Variants in NAALADL2 observed in about 807,000 individuals in gnomAD.
NAALADL2 encodes N-acetylated alpha-linked acidic dipeptidase like 2, also known as inactive N-acetylated-alpha-linked acidic dipeptidase-like protein 2.
NAALADL2 carries 76 observed loss-of-function variants against 87.2 expected under a neutral mutation model. The observed-to-expected ratio is 0.87, with a 90% CI of 0.72 to 1.05. NAALADL2 has a LOEUF of 1.05. Ranked by LOEUF, NAALADL2 falls within the 50% of genes least tolerant of loss-of-function variation. The probability of loss-of-function intolerance (pLI) is 0.00; values close to 1 mark genes in which losing one functional copy is unlikely to be tolerated. For missense variants in NAALADL2, 1,089 were observed against 945.8 expected (o/e 1.15, Z -1.99); for synonymous variants, 354 against 331.0 (o/e 1.07, Z -0.75).
In NAALADL2 at chr3:174,953,961, C is replaced by A. The variant is rs1054055080; in HGVS notation, c.43+94511C>A. ...AGGCACTTGAAGCTAAATAAGTAAG[C>A]CTTTTACTCTCTAATATAATGTGTT... On this transcript the variant is annotated intron_variant, in intron 1 of 13. Coordinates refer to ENST00000454872, the MANE Select transcript of NAALADL2 (RefSeq NM_207015.3). Among the ~76,000 whole-genome samples the A allele has an allele frequency of 1.3e-5, 2 of 152,062 alleles. 1 individual carries two copies. The highest frequency in any genetic ancestry group is 4.2e-4 in the South Asian group (2 of 4,816).
At chr3:174,974,049 G>T (rs1412881949) in intron 1 of NAALADL2, among the ~76,000 whole-genome samples, 3 of 152,162 alleles carry the variant, frequency 2.0e-5, no homozygotes, top group African/African-American at 7.2e-5. Context: ...TTGAAACTTT[G>T]TAAGTATTAA....
intron 3 of NAALADL2, among the ~76,000 whole-genome samples, chr3:175,243,985 C>G (rs1341169670): frequency 6.6e-6 from 1 of 152,124 alleles, no homozygotes; most frequent in Non-Finnish European, 1.5e-5. Flanking sequence ...CATCCTGCTC[C>G]TCAAGCAACT....
At chr3:175,185,118 T>A (rs894537928) in intron 2 of NAALADL2, among the ~76,000 whole-genome samples, 1 of 152,070 alleles carries the variant, frequency 6.6e-6, no homozygotes, top group African/African-American at 2.4e-5. Flanking sequence ...GCTGGGAAGA[T>A]ACTCTGATGC....
intron 13 of NAALADL2, among the ~76,000 whole-genome samples, chr3:175,757,239 G>T (rs1420452655): frequency 1.3e-5 from 2 of 151,944 alleles, no homozygotes; most frequent in African/African-American, 2.4e-5. Context: ...TCGATGTATG[G>T]TATAGAAATC....
intron 4 of NAALADL2, among the ~76,000 whole-genome samples, chr3:175,282,967 G>C (rs1210255107): frequency 6.8e-6 from 1 of 146,854 alleles, no homozygotes; most frequent in African/African-American, 2.6e-5. Context: ...TAGCAGAAAT[G>C]CTCCTTGTTG....
chr3:174,908,600 A>G (rs1733273977), intron 1 of NAALADL2, among the ~76,000 whole-genome samples: 4 of 152,140 alleles, frequency 2.6e-5, no homozygotes. Context: ...AGGAATTTCT[A>G]ATAAGATCTT....
intron 5 of NAALADL2, among the ~76,000 whole-genome samples, chr3:175,423,993 G>C (rs908486414): frequency 6.6e-6 from 1 of 152,148 alleles, no homozygotes; most frequent in Admixed American, 6.5e-5. Context: ...TTGTGGTTTT[G>C]ATTTGCATTT....
At chr3:174,474,269 C>A (rs551788429) in intron 1 of NAALADL2, among the ~76,000 whole-genome samples, 3 of 152,142 alleles carry the variant, frequency 2.0e-5, no homozygotes, top group African/African-American at 7.2e-5. Flanking sequence ...GCCATCGATT[C>A]ACAAATTTTG....
chr3:175,237,029 C>T (rs1350721308), intron 3 of NAALADL2, among the ~76,000 whole-genome samples: 1 of 152,102 alleles, frequency 6.6e-6, no homozygotes, highest in Non-Finnish European at 1.5e-5. Flanking sequence ...TTGTTAGACT[C>T]CTTCACACAA....
intron 2 of NAALADL2, among the ~76,000 whole-genome samples, chr3:174,589,178 G>T (rs2084367): frequency 0.15 from 23,437 of 152,200 alleles, 1,938 homozygotes; most frequent in Non-Finnish European, 0.18. Flanking sequence ...CTCTGAGCCA[G>T]GTGCGGGATA....
intron 1 of NAALADL2, among the ~76,000 whole-genome samples, chr3:174,480,971 T>C (rs2108329277): frequency 6.6e-6 from 1 of 152,186 alleles, no homozygotes; most frequent in South Asian, 2.1e-4. Flanking sequence ...ATATTGATCA[T>C]CAGCTATAAG....
chr3:174,520,538 C>T (rs1720209453), intron 1 of NAALADL2, among the ~76,000 whole-genome samples: 1 of 152,112 alleles, frequency 6.6e-6, no homozygotes, highest in South Asian at 2.1e-4. Flanking sequence ...ACCCGTATCT[C>T]TCACTTTATA....
At chr3:175,779,237 GC>G (rs1694646975) in intron 13 of NAALADL2, among the ~76,000 whole-genome samples, 2 of 151,990 alleles carry the variant, frequency 1.3e-5, no homozygotes, top group South Asian at 4.1e-4. Flanking sequence ...AGTTCAGAGT[GC>G]ACTTCTTGCA....
At chr3:175,277,890 T>TG (rs1753803451) in intron 4 of NAALADL2, among the ~76,000 whole-genome samples, 1 of 152,218 alleles carries the variant, frequency 6.6e-6, no homozygotes, top group Admixed American at 6.5e-5. Flanking sequence ...TTACTGTTAC[T>TG]TTCTTAGACA....
At chr3:175,300,164 T>C (rs1287469084) in intron 4 of NAALADL2, among the ~76,000 whole-genome samples, 8 of 152,240 alleles carry the variant, frequency 5.3e-5, no homozygotes, top group Admixed American at 5.2e-4. Flanking sequence ...ATAAGCTTTT[T>C]AATGTGCTGC....
chr3:174,610,878 A>G (rs1197297907), intron 2 of NAALADL2, among the ~76,000 whole-genome samples: 2 of 152,180 alleles, frequency 1.3e-5, no homozygotes, highest in Admixed American at 6.5e-5. Context: ...ATGTTTATTG[A>G]GGCACTGTTC....
chr3:174,907,991 C>G (rs1362689776), intron 1 of NAALADL2, among the ~76,000 whole-genome samples: 1 of 139,226 alleles, frequency 7.2e-6, no homozygotes, highest in Non-Finnish European at 1.5e-5. Context: ...TTATTTATAT[C>G]AATTATCTCT....
chr3:174,694,491 C>T (rs1373972407), intron 2 of NAALADL2, among the ~76,000 whole-genome samples: 1 of 151,944 alleles, frequency 6.6e-6, no homozygotes, highest in Non-Finnish European at 1.5e-5. Context: ...ATACCTGGAA[C>T]AATTTCAGAA....
At chr3:174,908,569 A>C (rs940027525) in intron 1 of NAALADL2, among the ~76,000 whole-genome samples, 2 of 152,120 alleles carry the variant, frequency 1.3e-5, no homozygotes, top group Admixed American at 1.3e-4. Context: ...TCTAATGAAG[A>C]GAAAAACAAA....
Sources: allele counts gnomAD v4.1 joint callset (sites outside exome capture counted in the v4.1 genomes callset), GRCh38; gene constraint gnomAD v4.1.1; transcripts MANE v1.5; gene names NCBI Gene and HGNC (gene_info 2026-07-23, HGNC 2026-07-21).